The following AGBL4 variants were observed in gnomAD, a reference collection of about 807,000 sequenced individuals.
The protein encoded by AGBL4 is AGBL carboxypeptidase 4, also known as cytosolic carboxypeptidase 6.
A neutral mutation model predicts 66.4 loss-of-function variants in AGBL4; 58 were observed. That is an observed-to-expected ratio of 0.87 (90% CI 0.71 to 1.09). The LOEUF (loss-of-function observed/expected upper bound fraction) is 1.09. AGBL4 is among the 50% of genes least tolerant of loss of function. The pLI is 0.00. For missense variants in AGBL4, 579 were observed against 631.0 expected (o/e 0.92, Z 0.88); for synonymous variants, 234 against 222.9 (o/e 1.05, Z -0.44).
intron 9 of AGBL4, among the ~76,000 whole-genome samples, chr1:48,609,900 C>T (rs892868551): frequency 1.5e-4 from 23 of 152,162 alleles, no homozygotes; most frequent in Non-Finnish European, 2.9e-4. Flanking sequence ...TTCTGTCCTC[C>T]GAGGTCACCC....
intron 4 of AGBL4, among the ~76,000 whole-genome samples, chr1:49,190,975 A>T (rs1023802222): frequency 6.6e-6 from 1 of 152,222 alleles, no homozygotes; most frequent in Non-Finnish European, 1.5e-5. Context: ...GGAAATATCC[A>T]TAAAGGGTTC....
At chr1:49,632,288 T>G (rs1645585342) in intron 3 of AGBL4, among the ~76,000 whole-genome samples, 1 of 152,150 alleles carries the variant, frequency 6.6e-6, no homozygotes. Context: ...AACCCAATTA[T>G]TATGGGAAGG....
In AGBL4 at chr1:48,894,114, AC is replaced by A. The variant is rs200074006; in HGVS notation, c.595-26885del. On this transcript the variant is annotated intron_variant, in intron 5 of 13. Transcript: ENST00000371839. ...TATTAGTCGACTTCAAAATGTGCAA[AC>A]CCTTTGACCCAGTAATTCTACTGTT... Among the ~76,000 whole-genome samples, 10 of 152,286 alleles carry A rather than the reference AC, an allele frequency of 6.6e-5. No individual in the cohort carries two copies. In the East Asian group the frequency reaches 1.9e-3, roughly 29 times the overall value.
chr1:49,371,602 G>A (rs1025884545), intron 3 of AGBL4, among the ~76,000 whole-genome samples: 3 of 152,016 alleles, frequency 2.0e-5, no homozygotes, highest in African/African-American at 7.2e-5. Context: ...ACACTTCTAG[G>A]TTGTTTGGCT....
chr1:49,693,313 T>C (rs971471973), intron 3 of AGBL4, among the ~76,000 whole-genome samples: 1 of 152,168 alleles, frequency 6.6e-6, no homozygotes, highest in African/African-American at 2.4e-5. Flanking sequence ...TTGGGTAACA[T>C]TTCCTGCATC....
Position 49,822,551 on chromosome 1 carries a change from T to G in AGBL4, c.157+28845A>C, listed in dbSNP as rs1338221628. 8.5e-5 allele frequency among the ~76,000 whole-genome samples: 13 copies of G among 152,300 alleles called. No homozygotes were observed. In the South Asian group the frequency reaches 2.5e-3, roughly 29 times the overall value. ...GTCAGTCAGGCTGGTCTTGAGCTCC[T>G]GACCTCAGGTGATCCACATAATTTC... On this transcript the variant is annotated intron_variant, in intron 2 of 13. Coordinates refer to ENST00000371839, the MANE Select transcript of AGBL4 (RefSeq NM_032785.4).
At chr1:49,678,577 C>CTAA (rs1324526896) in intron 3 of AGBL4, among the ~76,000 whole-genome samples, 1 of 151,974 alleles carries the variant, frequency 6.6e-6, no homozygotes, top group Non-Finnish European at 1.5e-5. Context: ...TTCTTCTTTT[C>CTAA]TAATGTAAGT....
chr1:49,555,721 T>C (rs1161359600), intron 3 of AGBL4, among the ~76,000 whole-genome samples: 3 of 147,464 alleles, frequency 2.0e-5, no homozygotes, highest in Admixed American at 6.8e-5. Flanking sequence ...GGGCCAAGGA[T>C]ATGAACAGAC....
chr1:48,908,963 C>G (rs1440459990), intron 5 of AGBL4, among the ~76,000 whole-genome samples: 1 of 150,726 alleles, frequency 6.6e-6, no homozygotes, highest in African/African-American at 2.4e-5. Flanking sequence ...TGCATCTACT[C>G]TGAACACCCT....
intron 3 of AGBL4, among the ~76,000 whole-genome samples, chr1:49,594,846 T>C (rs1385821703): frequency 6.6e-6 from 1 of 152,218 alleles, no homozygotes; most frequent in Non-Finnish European, 1.5e-5. Context: ...TGTGTCTTTA[T>C]AGTAGAATGA....
At chr1:49,799,420 C>T (rs1488099993) in intron 2 of AGBL4, among the ~76,000 whole-genome samples, 3 of 152,170 alleles carry the variant, frequency 2.0e-5, no homozygotes, top group South Asian at 2.1e-4. Flanking sequence ...CTAACTGGTA[C>T]ACTTATTGTA....
chr1:49,037,661 T>G (rs1664771082), intron 5 of AGBL4, among the ~76,000 whole-genome samples: 1 of 152,096 alleles, frequency 6.6e-6, no homozygotes, highest in Non-Finnish European at 1.5e-5. Flanking sequence ...CCTCCTTCCT[T>G]AAGACTTCGT....
Position 49,742,279 on chromosome 1 carries a change from C to A in AGBL4, c.158-44842G>T, listed in dbSNP as rs368493941. Among the ~76,000 whole-genome samples, 206 of 151,092 alleles carry A rather than the reference C, an allele frequency of 1.4e-3. 4 individuals carry two copies. The East Asian group carries it at 0.037, about 27-fold the overall frequency. The stretch of plus-strand genomic sequence containing the variant: ...ATAACAGACAAACAGAGAGCCAAAT[C>A]ATGAGTGAACTCCCATTCACAATTG... On this transcript the variant is annotated intron_variant, in intron 2 of 13. Transcript: ENST00000371839.
chr1:48,889,989 CGTGTGTGTGT>C (rs10557498), intron 5 of AGBL4, among the ~76,000 whole-genome samples: 8 of 148,646 alleles, frequency 5.4e-5, no homozygotes, highest in Admixed American at 1.3e-4. Context: ...AGCCTGCTTG[CGTGTGTGTGT>C]GTGTGTGTGT....
intron 6 of AGBL4, among the ~76,000 whole-genome samples, chr1:48,757,304 C>G (rs1476263894): frequency 6.6e-6 from 1 of 152,218 alleles, no homozygotes; most frequent in Non-Finnish European, 1.5e-5. Flanking sequence ...TCCCCCATCA[C>G]CACTACAAGA....
chr1:48,640,084 T>A (rs556657198), intron 8 of AGBL4, among the ~76,000 whole-genome samples: 3 of 152,298 alleles, frequency 2.0e-5, no homozygotes, highest in African/African-American at 7.2e-5. Context: ...GTTTTTAAGA[T>A]GAAAATTTTG....
intron 3 of AGBL4, among the ~76,000 whole-genome samples, chr1:49,258,654 T>C (rs1019553497): frequency 3.3e-5 from 5 of 152,172 alleles, no homozygotes; most frequent in Non-Finnish European, 7.3e-5. Context: ...TATGGGACTA[T>C]GTGAAAATAC....
At chr1:49,612,148 G>A (rs1413250436) in intron 3 of AGBL4, among the ~76,000 whole-genome samples, 1 of 152,080 alleles carries the variant, frequency 6.6e-6, no homozygotes, top group Admixed American at 6.5e-5. Flanking sequence ...TTTTTTCTAT[G>A]TGTGTATTGC....
intron 6 of AGBL4, among the ~76,000 whole-genome samples, chr1:48,823,429 T>C (rs545744353): frequency 6.6e-5 from 10 of 152,324 alleles, no homozygotes; most frequent in African/African-American, 2.4e-4. Context: ...GCAGACTGAG[T>C]ACTCTGGTGA....
Sources: gnomAD v4.1 joint callset for allele counts (sites outside exome capture counted in the v4.1 genomes callset) on GRCh38, gnomAD v4.1.1 for gene constraint, MANE v1.5 for transcripts, NCBI Gene and HGNC (gene_info 2026-07-23, HGNC 2026-07-21) for gene names.